The following EBF3 variants were observed in gnomAD, a reference collection of about 807,000 sequenced individuals.
EBF3 encodes the protein transcription factor COE3.
A neutral mutation model predicts 77.1 loss-of-function variants in EBF3; 18 were observed. That is an observed-to-expected ratio of 0.23 (90% CI 0.16 to 0.35). The LOEUF (loss-of-function observed/expected upper bound fraction) is 0.35, where lower values mean the gene tolerates loss of function less well. EBF3 is among the 10% of genes least tolerant of loss of function. The pLI, the probability that EBF3 is intolerant of heterozygous loss-of-function variation, is 1.00. For missense variants in EBF3, 558 were observed against 860.0 expected (o/e 0.65, Z 4.39); for synonymous variants, 350 against 343.5 (o/e 1.02, Z -0.21).
chr10:129,907,813 G>A (rs557751840), intron 6 of EBF3, among the ~76,000 whole-genome samples: 23 of 152,216 alleles, frequency 1.5e-4, no homozygotes, highest in South Asian at 1.0e-3. Context: ...GTACGTTGTC[G>A]CATGTAAAGT....
At chr10:129,934,437 TCTAA>T (rs560065334) in intron 6 of EBF3, among the ~76,000 whole-genome samples, 127 of 152,262 alleles carry the variant, frequency 8.3e-4, no homozygotes, top group African/African-American at 2.8e-3. Flanking sequence ...TACCAGTGGC[TCTAA>T]CTAAGGCACC....
rs2134057058 is a variant in EBF3 at position 129,863,768 on chromosome 10, G to C, written c.1039+3373C>G. On this transcript the variant is annotated intron_variant, in intron 10 of 16. Coordinates refer to ENST00000440978, the MANE Select transcript of EBF3 (RefSeq NM_001375380.1). The surrounding 1 kb of genome is among the most constrained non-coding windows in gnomAD (Gnocchi z 4.0). ...TTGGGGCAATGCAAATCAGACAGAA[G>C]CTTCCAGGTCAGACAGGTCATGACC... 6.6e-6 allele frequency among the ~76,000 whole-genome samples: 1 copy of C among 152,376 alleles called. No individual in the cohort carries two copies. The highest frequency in any genetic ancestry group is 1.9e-4 in the East Asian group (1 of 5,188).
intron 6 of EBF3, among the ~76,000 whole-genome samples, chr10:129,884,123 G>A (rs1047261967): frequency 1.3e-5 from 2 of 152,096 alleles, no homozygotes; most frequent in African/African-American, 4.8e-5. Flanking sequence ...GTGCTTCCTC[G>A]AGGTCCCTGC....
At chr10:129,953,191 G>T (rs374902181) in intron 6 of EBF3, among the ~76,000 whole-genome samples, 8 of 150,988 alleles carry the variant, frequency 5.3e-5, no homozygotes, top group Non-Finnish European at 8.8e-5. Context: ...GGGTAGGGGG[G>T]GCGCAGAGCT....
chr10:129,849,655 C>T (rs1018994303), intron 10 of EBF3, among the ~76,000 whole-genome samples: 2 of 152,202 alleles, frequency 1.3e-5, no homozygotes, highest in Non-Finnish European at 2.9e-5. Context: ...CTCAATAATG[C>T]GCCCGAAAGT....
At chr10:129,882,397 A>G (rs533448773) in intron 6 of EBF3, among the ~76,000 whole-genome samples, 2 of 152,376 alleles carry the variant, frequency 1.3e-5, no homozygotes, top group South Asian at 2.1e-4. Flanking sequence ...TTGTAATTTA[A>G]TGGAATATCA....
At chr10:129,890,565 A>AAT (rs1254352581) in intron 6 of EBF3, among the ~76,000 whole-genome samples, 1 of 152,258 alleles carries the variant, frequency 6.6e-6, no homozygotes, top group Non-Finnish European at 1.5e-5. Context: ...GTATCTAAAG[A>AAT]ATATTTTTAT....
Position 129,842,759 on chromosome 10 carries a change from G to A in EBF3, c.1194+378C>T, listed in dbSNP as rs1382748926. ...AGCCTGGGTGACAGAGCAAGACCCT[G>A]TCTAAAAAAAAAAAAAAAAAAAGGG... is the stretch of plus-strand genomic sequence containing the variant. On this transcript the variant is annotated intron_variant, in intron 12 of 16. Coordinates refer to ENST00000440978, the MANE Select transcript of EBF3 (RefSeq NM_001375380.1). This position sits in a 1 kb window ranked among gnomAD's most constrained non-coding sequence, Gnocchi z 4.4. 1.7e-5 allele frequency among the ~76,000 whole-genome samples: 1 copy of A among 60,496 alleles called. No homozygotes were observed. The highest frequency in any genetic ancestry group is 2.9e-5 in the Non-Finnish European group (1 of 34,084). The allele number at this position is 60,496 out of a possible 152,430, so 39.7% of individuals were successfully genotyped here. A position where few individuals can be genotyped will look rare whatever the true frequency, so the allele number is the denominator to read the frequency against.
At position 129,875,187 on chromosome 10, in the gene EBF3, C is replaced by CTTCT. The variant is rs1852672323; in HGVS notation, c.637-1592_637-1591insAGAA. The stretch of plus-strand genomic sequence containing the variant: ...ATACATGTGCAAGTGATGGCTTCTT[C>CTTCT]TTTTTTTTTTTTTTTTTTTTTTTTT... On this transcript the variant is annotated intron_variant, in intron 7 of 16. Transcript: ENST00000440978. Among the ~76,000 whole-genome samples the CTTCT allele has an allele frequency of 6.6e-4, 61 of 92,940 alleles. 6 individuals are homozygous for CTTCT. The highest frequency in any genetic ancestry group is 2.4e-3 in the African/African-American group (59 of 24,404). The allele number at this position is 92,940 out of a possible 152,430, so 61.0% of individuals were successfully genotyped here.
At chr10:129,855,022 G>A (rs577771827) in intron 10 of EBF3, among the ~76,000 whole-genome samples, 16 of 152,282 alleles carry the variant, frequency 1.1e-4, no homozygotes, top group East Asian at 1.9e-4. Context: ...GGCCGCTCCC[G>A]TCCGTGGAGC....
intron 7 of EBF3, among the ~76,000 whole-genome samples, 163 bp from the exon 8 acceptor site, chr10:129,873,759 G>A (rs951969507): frequency 6.6e-6 from 1 of 152,320 alleles, no homozygotes; most frequent in African/African-American, 2.4e-5. Context: ...TGGCTAATGG[G>A]GGTGGGTGGG....
intron 11 of EBF3, among the ~76,000 whole-genome samples, chr10:129,847,159 C>G (rs1229217793): frequency 6.6e-6 from 1 of 152,100 alleles, no homozygotes; most frequent in Non-Finnish European, 1.5e-5. Context: ...GGGAACCCCC[C>G]GAGAGCGCAG....
chr10:129,882,577 G>A (rs891456152), intron 6 of EBF3, among the ~76,000 whole-genome samples: 1 of 152,244 alleles, frequency 6.6e-6, no homozygotes, highest in Non-Finnish European at 1.5e-5. Flanking sequence ...GGCCAATAAA[G>A]GGGATATTAG....
chr10:129,842,336 C>T lies in EBF3; in HGVS notation c.1195-43G>A, dbSNP rs776772268. 3.3e-5 allele frequency: 50 copies of T among 1,527,496 alleles called. No individual in the cohort carries two copies. Among genetic ancestry groups the T allele is most frequent in the Non-Finnish European group, 3.9e-5 (44 of 1,138,096 alleles). 94.6% of individuals were successfully genotyped at this position (1,527,496 alleles called of 1,614,324 possible). A position where few individuals can be genotyped will look rare whatever the true frequency, so the allele number is the denominator to read the frequency against. ...GGGAGCCGGCCTGTCACCCCAGGCC[C>T]GGCCCAGCTGGCCGCACTCTCGGGG... On this transcript the variant is annotated intron_variant, in intron 12 of 16. Transcript: ENST00000440978. The surrounding 1 kb of genome is among the most constrained non-coding windows in gnomAD (Gnocchi z 4.4).
At chr10:129,865,981 C>T (rs975898726) in intron 10 of EBF3, among the ~76,000 whole-genome samples, 14 of 152,180 alleles carry the variant, frequency 9.2e-5, no homozygotes, top group African/African-American at 3.4e-4. Context: ...GCAGGTCAAG[C>T]CCACAGATAG....
intron 6 of EBF3, among the ~76,000 whole-genome samples, chr10:129,896,801 C>T (rs1216397304): frequency 2.0e-5 from 3 of 152,236 alleles, no homozygotes; most frequent in South Asian, 2.1e-4. Context: ...GCTGGTGACA[C>T]GCCCAGCCCG....
At chr10:129,956,526 C>G (rs1859050123) in intron 6 of EBF3, among the ~76,000 whole-genome samples, 1 of 152,160 alleles carries the variant, frequency 6.6e-6, no homozygotes, top group Non-Finnish European at 1.5e-5. Flanking sequence ...GTTGCTTCAA[C>G]TAAAGCTATG....
chr10:129,847,584 TCAG>T (rs1437142635), intron 11 of EBF3, among the ~76,000 whole-genome samples: 1 of 152,212 alleles, frequency 6.6e-6, no homozygotes, highest in Admixed American at 6.5e-5. Flanking sequence ...TTAATAAAAC[TCAG>T]AGGTGGTCAA....
At chr10:129,939,873 C>G (rs1260426815) in intron 6 of EBF3, among the ~76,000 whole-genome samples, 1 of 152,244 alleles carries the variant, frequency 6.6e-6, no homozygotes, top group Admixed American at 6.5e-5. Flanking sequence ...TTCTAGATAC[C>G]ACGTCCTGAG....
Sources: gnomAD v4.1 joint callset for allele counts (sites outside exome capture counted in the v4.1 genomes callset) on GRCh38, gnomAD v4.1.1 for gene constraint, Gnocchi (gnomAD v3.1) non-coding constraint, MANE v1.5 for transcripts, NCBI Gene and HGNC (gene_info 2026-07-23, HGNC 2026-07-21) for gene names.